Variants in DLGAP2 observed in about 807,000 individuals in gnomAD.
DLGAP2 encodes the protein DLG associated protein 2, also known as disks large-associated protein 2.
A neutral mutation model predicts 100.3 loss-of-function variants in DLGAP2; 26 were observed. The ratio of observed to expected loss-of-function variants is 0.26; its 90% CI spans 0.19 to 0.36. DLGAP2 has a LOEUF of 0.36. Ranked by LOEUF, DLGAP2 falls within the 10% of genes least tolerant of loss-of-function variation. DLGAP2 has a pLI of 1.00. For synonymous variants in DLGAP2, 886 were observed against 630.1 expected, an observed-to-expected ratio of 1.41 and a Z score of -6.08; for missense variants, 1,858 against 1,453.2, an observed-to-expected ratio of 1.28 and a Z score of -4.53.
At chr8:1,364,484 C>T (rs915435788) in intron 3 of DLGAP2, among the ~76,000 whole-genome samples, 8 of 132,676 alleles carry the variant, frequency 6.0e-5, no homozygotes, top group South Asian at 2.7e-4. Context: ...GGGAGGCGGG[C>T]GCCGGTCATG....
At chr8:1,437,391 C>T (rs1268076579) in intron 3 of DLGAP2, among the ~76,000 whole-genome samples, 2 of 152,242 alleles carry the variant, frequency 1.3e-5, no homozygotes, top group African/African-American at 4.8e-5. Context: ...CATTAAGTGG[C>T]ACATGACTGT....
At chr8:1,687,891 T>A (rs1799155845) in intron 12 of DLGAP2, among the ~76,000 whole-genome samples, 2 of 152,210 alleles carry the variant, frequency 1.3e-5, no homozygotes, top group African/African-American at 4.8e-5. Context: ...CTTAAAATAG[T>A]CCCTTTAAAT....
intron 3 of DLGAP2, among the ~76,000 whole-genome samples, chr8:1,382,860 C>G (rs1216084914): frequency 6.6e-6 from 1 of 152,152 alleles, no homozygotes; most frequent in Non-Finnish European, 1.5e-5. Flanking sequence ...TATATCCCCC[C>G]CAAAAAAGTT....
intron 2 of DLGAP2, among the ~76,000 whole-genome samples, chr8:1,219,935 A>G (rs1211707870): frequency 2.0e-5 from 3 of 151,320 alleles, no homozygotes; most frequent in Admixed American, 1.3e-4. Flanking sequence ...AGCTTTTTGT[A>G]TTTCTGTGGA....
chr8:1,461,210 G>T (rs374854490), intron 3 of DLGAP2, among the ~76,000 whole-genome samples: 1 of 133,632 alleles, frequency 7.5e-6, no homozygotes, highest in African/African-American at 2.8e-5. Context: ...TCGCTGATTC[G>T]GTGGCCAGGA....
intron 1 of DLGAP2, among the ~76,000 whole-genome samples, chr8:805,227 T>A (rs954994808): frequency 6.6e-6 from 1 of 152,158 alleles, no homozygotes; most frequent in Non-Finnish European, 1.5e-5. Context: ...CTGTCAGTGG[T>A]GATTAGGATA....
chr8:1,539,084 C>G (rs1276172032), intron 4 of DLGAP2, among the ~76,000 whole-genome samples: 1 of 152,060 alleles, frequency 6.6e-6, no homozygotes. Context: ...TGGGGTTTCA[C>G]CGTGTTGGCC....
chr8:1,517,682 G>C (rs145213959), intron 4 of DLGAP2, among the ~76,000 whole-genome samples: 1 of 152,324 alleles, frequency 6.6e-6, no homozygotes, highest in East Asian at 1.9e-4. Context: ...GGCTAGGAGA[G>C]CCCTGCCTGT....
chr8:1,074,738 C>A lies in DLGAP2; in HGVS notation c.73+166772C>A, dbSNP rs912607220. 2.0e-5 allele frequency among the ~76,000 whole-genome samples: 3 copies of A among 152,150 alleles called. No individual in the cohort carries two copies. In the East Asian group the frequency reaches 5.8e-4, roughly 29 times the overall value. On this transcript the variant is annotated intron_variant, in intron 2 of 14. Transcript: ENST00000637795. ...CTCCTCGTCTTTCCAGTGACCAGGT[C>A]GTCAAGGCGTGGGTGATTTTTTAGA...
At chr8:1,688,257 G>A (rs1018629541) in intron 12 of DLGAP2, 2 of 152,390 alleles carry the variant, frequency 1.3e-5, no homozygotes, top group East Asian at 3.9e-4. Context: ...TCCCAGGCTG[G>A]CTGGTAAATC....
At chr8:1,329,887 G>T (rs942952167) in intron 3 of DLGAP2, among the ~76,000 whole-genome samples, 2 of 152,232 alleles carry the variant, frequency 1.3e-5, no homozygotes, top group Non-Finnish European at 2.9e-5. Flanking sequence ...CTCTGCTGAA[G>T]TGCACAACTC....
chr8:1,623,523 T>C (rs532955450), intron 6 of DLGAP2, among the ~76,000 whole-genome samples: 128 of 150,738 alleles, frequency 8.5e-4, no homozygotes, highest in African/African-American at 3.0e-3. Context: ...CTGACACCAG[T>C]GCGTCATGAC....
chr8:810,774 T>C (rs1020264872), intron 1 of DLGAP2, among the ~76,000 whole-genome samples: 1 of 152,232 alleles, frequency 6.6e-6, no homozygotes, highest in Non-Finnish European at 1.5e-5. Flanking sequence ...GTGGCTGTTT[T>C]CCCACTATGC....
intron 13 of DLGAP2, among the ~76,000 whole-genome samples, chr8:1,695,778 T>C (rs557506233): frequency 1.3e-5 from 2 of 152,376 alleles, no homozygotes; most frequent in East Asian, 1.9e-4. Flanking sequence ...TGGCCTGGCC[T>C]GCCCTGAGGC....
intron 2 of DLGAP2, among the ~76,000 whole-genome samples, chr8:984,066 C>A (rs560776386): frequency 6.6e-6 from 1 of 152,262 alleles, no homozygotes; most frequent in African/African-American, 2.4e-5. Flanking sequence ...CTCCCGGTGT[C>A]TCATGTGTAG....
intron 2 of DLGAP2, among the ~76,000 whole-genome samples, chr8:1,150,453 T>C (rs1418543045): frequency 1.3e-5 from 2 of 152,246 alleles, no homozygotes; most frequent in African/African-American, 4.8e-5. Context: ...ATCCATGTGT[T>C]CTGTGTAGAG....
intron 2 of DLGAP2, among the ~76,000 whole-genome samples, chr8:1,162,434 A>T (rs1413644293): frequency 6.6e-6 from 1 of 152,222 alleles, no homozygotes; most frequent in Non-Finnish European, 1.5e-5. Flanking sequence ...CAGTTAAAGC[A>T]GTCTGTTTCT....
Position 1,454,622 on chromosome 8 carries a change from G to A in DLGAP2, c.107-46744G>A, listed in dbSNP as rs532247758. Among the ~76,000 whole-genome samples, 13 of 152,224 alleles carry A rather than the reference G, an allele frequency of 8.5e-5. No homozygotes were observed. The East Asian group carries it at 9.7e-4, about 11-fold the overall frequency. ...TCCATTAAGATCCCTTTACATTTCC[G>A]AGCTCCATTCCAGGGGCTGGATATT... On this transcript the variant is annotated intron_variant, in intron 3 of 14. Coordinates refer to ENST00000637795, the MANE Select transcript of DLGAP2 (RefSeq NM_001346810.2).
At chr8:1,317,144 A>G (rs1182425872) in intron 3 of DLGAP2, among the ~76,000 whole-genome samples, 3 of 134,810 alleles carry the variant, frequency 2.2e-5, no homozygotes, top group African/African-American at 6.0e-5. Flanking sequence ...AGTGGTCTAC[A>G]CTGGAGAAAC....
Sources: gnomAD v4.1 joint callset for allele counts (sites outside exome capture counted in the v4.1 genomes callset) on GRCh38, gnomAD v4.1.1 for gene constraint, MANE v1.5 for transcripts, NCBI Gene and HGNC (gene_info 2026-07-23, HGNC 2026-07-21) for gene names.